NR3C2: variants seen among roughly 807,000 people sequenced by gnomAD.
NR3C2 encodes nuclear receptor subfamily 3 group C member 2.
A neutral mutation model predicts 86.4 loss-of-function variants in NR3C2; 15 were observed. That is an observed-to-expected ratio of 0.17 (90% CI 0.12 to 0.27). The LOEUF (loss-of-function observed/expected upper bound fraction) is 0.27. Ranked by LOEUF, NR3C2 falls within the 10% of genes least tolerant of loss-of-function variation. The pLI, the probability that NR3C2 is intolerant of heterozygous loss-of-function variation, is 1.00. For missense variants in NR3C2, 960 were observed against 1,195.6 expected (o/e 0.80, Z 2.91); for synonymous variants, 458 against 450.5 (o/e 1.02, Z -0.21).
chr4:148,381,018 G>T (rs1431041275), intron 2 of NR3C2, among the ~76,000 whole-genome samples: 5 of 152,124 alleles, frequency 3.3e-5, no homozygotes, highest in African/African-American at 4.8e-5. Context: ...CTTGTGCTCA[G>T]GAGTTTGAGA....
At chr4:148,411,778 C>G (rs1322504314) in intron 2 of NR3C2, among the ~76,000 whole-genome samples, 1 of 152,222 alleles carries the variant, frequency 6.6e-6, no homozygotes, top group Non-Finnish European at 1.5e-5. Flanking sequence ...AACTACTAAG[C>G]AGGCAAAATT....
intron 3 of NR3C2, among the ~76,000 whole-genome samples, chr4:148,232,621 C>T (rs868241230): frequency 1.3e-5 from 2 of 152,100 alleles, no homozygotes; most frequent in African/African-American, 2.4e-5. Flanking sequence ...CTACATTAGC[C>T]CCTGACAAGA....
At chr4:148,218,161 ATAAGTC>A (rs1318282458) in intron 3 of NR3C2, among the ~76,000 whole-genome samples, 3 of 152,260 alleles carry the variant, frequency 2.0e-5, no homozygotes, top group East Asian at 1.9e-4. Context: ...TGAATTTGCT[ATAAGTC>A]TAAGTACGAA....
intron 4 of NR3C2, among the ~76,000 whole-genome samples, chr4:148,179,099 C>G (rs1735528149): frequency 6.6e-6 from 1 of 151,384 alleles, no homozygotes; most frequent in South Asian, 2.1e-4. Context: ...AATAATGTAA[C>G]AATGTGAGGT....
At chr4:148,134,848 G>C (rs1393540214) in intron 6 of NR3C2, among the ~76,000 whole-genome samples, 1 of 150,906 alleles carries the variant, frequency 6.6e-6, no homozygotes, top group Non-Finnish European at 1.5e-5. Context: ...GTAGAGATGG[G>C]GTTTCCGCAT....
intron 4 of NR3C2, among the ~76,000 whole-genome samples, chr4:148,188,965 C>T (rs368360148): frequency 7.1e-6 from 1 of 140,946 alleles, no homozygotes; most frequent in Non-Finnish European, 1.5e-5. Flanking sequence ...TCTCACCTTG[C>T]TACCCAGGCT....
chr4:148,209,315 G>T lies in NR3C2; in HGVS notation c.1898-14453C>A, dbSNP rs371033034. On this transcript the variant is annotated intron_variant, in intron 3 of 8. Transcript: ENST00000358102. The stretch of plus-strand genomic sequence containing the variant: ...GGGTCTCATTCTGTTGCCCAGGCTG[G>T]AATGCAGTGGTGCAATCACGGGTGG... Among the ~76,000 whole-genome samples, 8 of 152,264 alleles carry T rather than the reference G, an allele frequency of 5.3e-5. No individual in the cohort carries two copies. The East Asian group carries it at 1.5e-3, about 29-fold the overall frequency.
intron 2 of NR3C2, among the ~76,000 whole-genome samples, chr4:148,359,834 A>G (rs1461295521): frequency 6.6e-6 from 1 of 152,212 alleles, no homozygotes; most frequent in Non-Finnish European, 1.5e-5. Flanking sequence ...ATGGCAATGT[A>G]ATGTACAGGA....
intron 2 of NR3C2, among the ~76,000 whole-genome samples, chr4:148,281,620 G>C (rs550327602): frequency 3.3e-4 from 50 of 152,322 alleles, no homozygotes; most frequent in African/African-American, 1.2e-3. Context: ...TCTTTGGCCT[G>C]AGCTTCACTG....
At chr4:148,397,165 C>G (rs372251046) in intron 2 of NR3C2, among the ~76,000 whole-genome samples, 4 of 152,222 alleles carry the variant, frequency 2.6e-5, no homozygotes, top group African/African-American at 9.6e-5. Flanking sequence ...CCAGCAAAGA[C>G]CAGCCCCCAC....
At chr4:148,170,181 G>A (rs1735059617) in intron 4 of NR3C2, among the ~76,000 whole-genome samples, 2 of 152,148 alleles carry the variant, frequency 1.3e-5, no homozygotes, top group African/African-American at 4.8e-5. Context: ...ACCTCCAATT[G>A]TGACAATAAA....
intron 2 of NR3C2, among the ~76,000 whole-genome samples, chr4:148,402,971 T>A (rs980667966): frequency 6.6e-6 from 1 of 152,038 alleles, no homozygotes. Flanking sequence ...TGAGGAGCAA[T>A]AGGAAACTTT....
intron 2 of NR3C2, among the ~76,000 whole-genome samples, chr4:148,302,195 T>C (rs1053790064): frequency 4.6e-5 from 7 of 152,230 alleles, no homozygotes; most frequent in African/African-American, 1.7e-4. Flanking sequence ...GACTGTGACA[T>C]TGGAATAAAG....
chr4:148,370,170 G>C (rs1746345217), intron 2 of NR3C2, among the ~76,000 whole-genome samples: 2 of 152,186 alleles, frequency 1.3e-5, no homozygotes. Flanking sequence ...ACATAACAAA[G>C]CAGAGCTTCT....
chr4:148,194,169 G>A (rs924580976), intron 4 of NR3C2, among the ~76,000 whole-genome samples: 1 of 152,058 alleles, frequency 6.6e-6, no homozygotes, highest in African/African-American at 2.4e-5. Context: ...ATTTTTCTTA[G>A]AATTATACTA....
At chr4:148,406,128 T>G (rs573507675) in intron 2 of NR3C2, among the ~76,000 whole-genome samples, 1 of 152,236 alleles carries the variant, frequency 6.6e-6, no homozygotes, top group South Asian at 2.1e-4. Flanking sequence ...GTCACACCAC[T>G]GTACTCCAGT....
chr4:148,138,290 G>A (rs924379346), intron 6 of NR3C2, among the ~76,000 whole-genome samples: 3 of 152,250 alleles, frequency 2.0e-5, no homozygotes, highest in South Asian at 4.1e-4. Flanking sequence ...AAACAGATAC[G>A]GAGAAATAAT....
At chr4:148,155,963 C>T (rs192637769) in intron 4 of NR3C2, among the ~76,000 whole-genome samples, 9 of 152,200 alleles carry the variant, frequency 5.9e-5, no homozygotes, top group African/African-American at 1.9e-4. Flanking sequence ...CGCCACATAT[C>T]GACAACTATC....
intron 2 of NR3C2, 74 bp from the exon 3 acceptor site, chr4:148,260,191 A>C (rs895238818): frequency 2.6e-5 from 41 of 1,582,134 alleles, no homozygotes; most frequent in Non-Finnish European, 3.4e-5. Flanking sequence ...CTTAGCTCAA[A>C]ATTTGTCAAT....
Sources: gnomAD v4.1 joint callset for allele counts (sites outside exome capture counted in the v4.1 genomes callset) on GRCh38, gnomAD v4.1.1 for gene constraint, MANE v1.5 for transcripts, NCBI Gene and HGNC (gene_info 2026-07-23, HGNC 2026-07-21) for gene names.